The following CTNNA3 variants were observed in gnomAD, a reference collection of about 807,000 sequenced individuals.
CTNNA3 encodes the protein catenin alpha 3, also known as catenin alpha-3.
In CTNNA3, 76 loss-of-function variants were observed where a neutral mutation model predicts 95.7. The ratio of observed to expected loss-of-function variants is 0.79; its 90% CI spans 0.66 to 0.96. CTNNA3 has a LOEUF of 0.96. Among genes scored for constraint, CTNNA3 ranks in the 40% least tolerant of loss-of-function variants. The probability of loss-of-function intolerance (pLI) is 0.00; values close to 1 mark genes in which losing one functional copy is unlikely to be tolerated. For missense variants in CTNNA3, 1,191 were observed against 1,089.8 expected, an observed-to-expected ratio of 1.09 and a Z score of -1.31; for synonymous variants, 431 against 374.4, an observed-to-expected ratio of 1.15 and a Z score of -1.74.
chr10:66,599,604 A>G (rs1490072149), intron 10 of CTNNA3, among the ~76,000 whole-genome samples: 2 of 151,890 alleles, frequency 1.3e-5, no homozygotes, highest in Admixed American at 6.6e-5. Flanking sequence ...AAAACTCATT[A>G]CAGGTGTTTT....
intron 10 of CTNNA3, among the ~76,000 whole-genome samples, chr10:66,532,124 T>C (rs1160636770): frequency 6.6e-6 from 1 of 152,146 alleles, no homozygotes; most frequent in Non-Finnish European, 1.5e-5. Flanking sequence ...TATTCATTAA[T>C]TGCCAAAGTG....
intron 17 of CTNNA3, among the ~76,000 whole-genome samples, chr10:65,924,354 C>T (rs1188077078): frequency 2.0e-5 from 3 of 152,070 alleles, no homozygotes; most frequent in Non-Finnish European, 4.4e-5. Flanking sequence ...CTTGATTATG[C>T]TTCAGGATCT....
intron 11 of CTNNA3, among the ~76,000 whole-genome samples, chr10:66,499,756 C>G (rs1429800068): frequency 6.6e-6 from 1 of 151,458 alleles, no homozygotes; most frequent in Admixed American, 6.6e-5. Flanking sequence ...ATCTATGGAA[C>G]TCCTAGAGAT....
chr10:66,728,344 G>A (rs551891414), intron 9 of CTNNA3, among the ~76,000 whole-genome samples: 104 of 152,190 alleles, frequency 6.8e-4, no homozygotes, highest in African/African-American at 2.4e-3. Flanking sequence ...TTTGTCAGAT[G>A]GATAGATTGT....
At chr10:66,945,599 T>C (rs1848233185) in intron 7 of CTNNA3, among the ~76,000 whole-genome samples, 1 of 152,206 alleles carries the variant, frequency 6.6e-6, no homozygotes, top group Admixed American at 6.5e-5. Flanking sequence ...GCACTTTTCA[T>C]TTTCTTCAAG....
intron 9 of CTNNA3, among the ~76,000 whole-genome samples, chr10:66,662,360 G>C (rs1331849261): frequency 1.3e-5 from 2 of 152,148 alleles, no homozygotes; most frequent in Non-Finnish European, 2.9e-5. Flanking sequence ...AGGGCGTTTA[G>C]CATACACCTG....
intron 13 of CTNNA3, among the ~76,000 whole-genome samples, chr10:66,200,707 T>A (rs1589713656): frequency 1.3e-5 from 2 of 152,238 alleles, no homozygotes; most frequent in South Asian, 4.1e-4. Flanking sequence ...TTCTGAAACA[T>A]GCATATGAAT....
chr10:66,817,540 T>G (rs1842137086), intron 7 of CTNNA3, among the ~76,000 whole-genome samples: 1 of 151,970 alleles, frequency 6.6e-6, no homozygotes, highest in Non-Finnish European at 1.5e-5. Flanking sequence ...TATGAACAAC[T>G]ACATGCCAAC....
intron 13 of CTNNA3, among the ~76,000 whole-genome samples, chr10:66,228,542 C>T (rs539228943): frequency 9.2e-5 from 14 of 152,060 alleles, no homozygotes; most frequent in African/African-American, 2.9e-4. Flanking sequence ...CACATGACTT[C>T]GATTATTTTT....
chr10:67,198,143 G>A (rs1028985413), intron 6 of CTNNA3, among the ~76,000 whole-genome samples: 9 of 151,974 alleles, frequency 5.9e-5, no homozygotes, highest in Non-Finnish European at 1.2e-4. Flanking sequence ...TGTGAGTAGT[G>A]GCTACTATAT....
At chr10:67,372,008 T>C (rs1843483616) in intron 5 of CTNNA3, among the ~76,000 whole-genome samples, 3 of 151,596 alleles carry the variant, frequency 2.0e-5, no homozygotes, top group Non-Finnish European at 4.4e-5. Flanking sequence ...CATCTGTCTG[T>C]TGGCTGCATA....
intron 12 of CTNNA3, among the ~76,000 whole-genome samples, chr10:66,357,160 A>G (rs947649949): frequency 1.3e-5 from 2 of 152,064 alleles, no homozygotes. Context: ...ATTTTTTGAA[A>G]TTATATTTAA....
chr10:66,117,114 G>A (rs2082374860), intron 13 of CTNNA3, among the ~76,000 whole-genome samples: 1 of 152,126 alleles, frequency 6.6e-6, no homozygotes, highest in African/African-American at 2.4e-5. Flanking sequence ...TTGGTGGGAG[G>A]AGTGAACAGA....
chr10:67,626,683 C>T lies in CTNNA3; in HGVS notation c.100-19634G>A, dbSNP rs570683755. 2.0e-3 allele frequency among the ~76,000 whole-genome samples: 297 copies of T among 152,118 alleles called. 5 individuals carry two copies. Among genetic ancestry groups the T allele is most frequent in the Non-Finnish European group, 6.0e-4 (41 of 68,014 alleles). On this transcript the variant is annotated intron_variant, in intron 2 of 17. Transcript: ENST00000433211. The stretch of plus-strand genomic sequence containing the variant: ...ACTCAAAAGTCGTGAATGGGTTCCT[C>T]TCAGGTCTGAAATCTCTACTCTTTT...
intron 2 of CTNNA3, among the ~76,000 whole-genome samples, chr10:67,623,543 C>T (rs1345294310): frequency 6.6e-6 from 1 of 152,054 alleles, no homozygotes; most frequent in Non-Finnish European, 1.5e-5. Flanking sequence ...CTAACTACTC[C>T]CCATGCAGTC....
At chr10:66,373,612 AAG>A (rs2092770402) in intron 12 of CTNNA3, among the ~76,000 whole-genome samples, 1 of 151,936 alleles carries the variant, frequency 6.6e-6, no homozygotes, top group East Asian at 1.9e-4. Context: ...AAAAAAAAAA[AAG>A]AGTTATATTA....
chr10:67,614,474 C>T (rs1016173718), intron 2 of CTNNA3, among the ~76,000 whole-genome samples: 1 of 152,152 alleles, frequency 6.6e-6, no homozygotes, highest in Non-Finnish European at 1.5e-5. Context: ...TGATGGGAGA[C>T]AGTGGCAGAT....
chr10:67,358,182 G>A (rs933192755), intron 5 of CTNNA3, among the ~76,000 whole-genome samples: 1 of 152,022 alleles, frequency 6.6e-6, no homozygotes, highest in Non-Finnish European at 1.5e-5. Context: ...TTAACTCCTA[G>A]AAGAAAACAT....
chr10:67,344,432 C>A (rs768953217), intron 5 of CTNNA3, among the ~76,000 whole-genome samples: 3 of 151,844 alleles, frequency 2.0e-5, no homozygotes, highest in Non-Finnish European at 4.4e-5. Flanking sequence ...GGTATTAGTT[C>A]TTCTTTAAAT....
Sources: gnomAD v4.1 joint callset for allele counts (sites outside exome capture counted in the v4.1 genomes callset) on GRCh38, gnomAD v4.1.1 for gene constraint, MANE v1.5 for transcripts, NCBI Gene and HGNC (gene_info 2026-07-23, HGNC 2026-07-21) for gene names.